The following INSYN2B variants were observed in gnomAD, a reference collection of about 807,000 sequenced individuals.
INSYN2B encodes the protein protein INSYN2B.
Under a neutral mutation model 41.2 loss-of-function variants are expected in INSYN2B, and 16 were observed. The ratio of observed to expected loss-of-function variants is 0.39; its 90% CI spans 0.26 to 0.59. The LOEUF is 0.59. Among genes scored for constraint, INSYN2B ranks in the 20% least tolerant of loss-of-function variants. The pLI, the probability that INSYN2B is intolerant of heterozygous loss-of-function variation, is 0.57. For missense variants in INSYN2B, 608 were observed against 646.4 expected, an observed-to-expected ratio of 0.94 and a Z score of 0.64; for synonymous variants, 245 against 244.4, an observed-to-expected ratio of 1.00 and a Z score of -0.02.
chr5:169,963,868 G>A (rs1448195287), intron 1 of INSYN2B, among the ~76,000 whole-genome samples: 2 of 152,118 alleles, frequency 1.3e-5, no homozygotes, highest in Non-Finnish European at 2.9e-5. Flanking sequence ...CCTACCCCTA[G>A]ATGCTCTAAT....
chr5:169,944,357 T>A (rs1476368951), intron 1 of INSYN2B, among the ~76,000 whole-genome samples: 1 of 152,238 alleles, frequency 6.6e-6, no homozygotes, highest in African/African-American at 2.4e-5. Flanking sequence ...GGCAGAGGCA[T>A]GTTCTACCAA....
At chr5:169,935,012 T>C in intron 1 of INSYN2B, 2 of 258,996 alleles carry the variant, frequency 7.7e-6, no homozygotes, top group South Asian at 4.1e-5. Context: ...ACTGCAGCCA[T>C]CTAAGATTCT....
chr5:169,875,265 C>T (rs1217719544), intron 3 of INSYN2B: 2 of 456,632 alleles, frequency 4.4e-6, no homozygotes, highest in East Asian at 6.9e-5. Flanking sequence ...CTCCACCCCA[C>T]ACTCTCTGAT....
At chr5:169,939,617 G>A (rs1776149922) in intron 1 of INSYN2B, among the ~76,000 whole-genome samples, 1 of 152,062 alleles carries the variant, frequency 6.6e-6, no homozygotes, top group Non-Finnish European at 1.5e-5. Flanking sequence ...GGTGAGTGAT[G>A]CATTGTGTTA....
Position 169,863,046 on chromosome 5 carries a change from G to A in INSYN2B, c.*1227C>T, listed in dbSNP as rs980367208. Reference sequence around the variant, plus strand: ...TCCATCCTACCCCTCATCCACAAGAGTATATAGCAATTACTTAATTATATT... The same window carrying A: ...TCCATCCTACCCCTCATCCACAAGAATATATAGCAATTACTTAATTATATT... On this transcript the variant is annotated 3_prime_UTR_variant, in exon 4 of 4. Coordinates refer to ENST00000377365, the MANE Select transcript of INSYN2B (RefSeq NM_001129891.3). Among the ~76,000 whole-genome samples, 3 of 152,206 alleles carry A rather than the reference G, an allele frequency of 2.0e-5. No homozygotes were observed. Among genetic ancestry groups the A allele is most frequent in the Non-Finnish European group, 4.4e-5 (3 of 68,042 alleles).
chr5:169,897,295 G>A (rs1042092833), intron 1 of INSYN2B, among the ~76,000 whole-genome samples: 5 of 151,758 alleles, frequency 3.3e-5, no homozygotes, highest in African/African-American at 9.7e-5. Context: ...AGCAATTCTC[G>A]TGCCTCAGCC....
At chr5:169,881,543 A>C (rs916738393) in intron 2 of INSYN2B, 101 bp from the exon 3 acceptor site, 1 of 867,084 alleles carries the variant, frequency 1.2e-6, no homozygotes, top group Non-Finnish European at 1.9e-6. Context: ...CACAGCATTC[A>C]CGGTGCTCTG....
chr5:169,923,134 T>G (rs966269536), intron 1 of INSYN2B, among the ~76,000 whole-genome samples: 1 of 152,198 alleles, frequency 6.6e-6, no homozygotes, highest in Non-Finnish European at 1.5e-5. Context: ...AGGCCTATGC[T>G]CCTCACCTCT....
chr5:169,886,293 A>G (rs1364450431), intron 1 of INSYN2B, among the ~76,000 whole-genome samples: 1 of 152,172 alleles, frequency 6.6e-6, no homozygotes, highest in Non-Finnish European at 1.5e-5. Flanking sequence ...TGGCATTGTC[A>G]CATACCTCTC....
In INSYN2B at chr5:169,883,072, G is replaced by C. The variant is rs756719112; in HGVS notation, c.827C>G (p.Pro276Arg). The stretch of plus-strand genomic sequence containing the variant: ...GTTGTCTTTGGGCAAAAGCAATTCA[G>C]GTTTAAGTTCCTCTGTGCCTGGTGT... ...SHTPGTEELK[P>R]ELLLPKDNSD... Residue 276 changes from proline (P) to arginine (R), a missense_variant, in exon 2 of 4, where the codon CCT becomes CGT. Physicochemically the swap from Pro to Arg is moderately radical, Grantham distance 103. Coordinates refer to ENST00000377365, the MANE Select transcript of INSYN2B (RefSeq NM_001129891.3). The C allele has an allele frequency of 9.2e-5, 143 of 1,551,542 alleles. 2 individuals carry two copies. In the South Asian group the frequency reaches 1.7e-3, roughly 18 times the overall value.
intron 1 of INSYN2B, among the ~76,000 whole-genome samples, chr5:169,899,605 G>A (rs190263613): frequency 8.5e-5 from 13 of 152,342 alleles, no homozygotes; most frequent in African/African-American, 3.1e-4. Context: ...GCAGGACTAG[G>A]AAGGCCCTGG....
chr5:169,871,133 A>G (rs1771941193), intron 3 of INSYN2B, among the ~76,000 whole-genome samples: 1 of 152,172 alleles, frequency 6.6e-6, no homozygotes, highest in African/African-American at 2.4e-5. Context: ...ATCACCTTCC[A>G]AAGTTTCTAC....
At chr5:169,884,900 G>A (rs1772877045) in intron 1 of INSYN2B, 84 bp from the exon 2 acceptor site, 3 of 152,176 alleles carry the variant, frequency 2.0e-5, no homozygotes, top group Admixed American at 2.0e-4. Flanking sequence ...CTTCCTAGCT[G>A]AGTATTTTGA....
At chr5:169,874,840 T>C (rs1772220253) in intron 3 of INSYN2B, among the ~76,000 whole-genome samples, 1 of 151,978 alleles carries the variant, frequency 6.6e-6, no homozygotes, top group Admixed American at 6.6e-5. Context: ...AATGTAAGCC[T>C]GGGCCCCAGA....
At position 169,881,423 on chromosome 5, in the gene INSYN2B, C is replaced by T; in HGVS notation, c.1366G>A (p.Gly456Ser). 2 of 1,551,486 alleles carry T rather than the reference C, an allele frequency of 1.3e-6. No individual in the cohort carries two copies. Among genetic ancestry groups the T allele is most frequent in the Non-Finnish European group, 1.7e-6 (2 of 1,146,848 alleles). The change falls in exon 3 of 4, where the codon GGC (glycine) becomes AGC (serine). Residue 456 changes from glycine to serine, a missense_variant. By Grantham distance (56) the Gly-to-Ser change is moderately conservative. Coordinates refer to ENST00000377365, the MANE Select transcript of INSYN2B (RefSeq NM_001129891.3). ...LTEGRNFYRT[G>S]QDLNNCSTCQ... ...GTACTGCAATTGTTGAGATCTTGGC[C>T]AGTTCGATAAAAGTTGCGCCTGCAA...
At chr5:169,960,676 ATTG>A in intron 1 of INSYN2B, among the ~76,000 whole-genome samples, 1 of 152,276 alleles carries the variant, frequency 6.6e-6, no homozygotes, top group Admixed American at 6.5e-5. Flanking sequence ...GGGTCTCTAT[ATTG>A]TTGTCCCCTC....
At chr5:169,865,016 A>T (rs1240710632) in intron 3 of INSYN2B, among the ~76,000 whole-genome samples, 1 of 152,226 alleles carries the variant, frequency 6.6e-6, no homozygotes, top group Non-Finnish European at 1.5e-5. Flanking sequence ...CATCATCATC[A>T]TTAACATAAT....
At chr5:169,865,634 C>T (rs1277930621) in intron 3 of INSYN2B, among the ~76,000 whole-genome samples, 1 of 152,166 alleles carries the variant, frequency 6.6e-6, no homozygotes. Context: ...GTGTTTGTTA[C>T]CTGGTTTCAT....
At chr5:169,976,908 A>G (rs532500151) in intron 1 of INSYN2B, among the ~76,000 whole-genome samples, 1 of 152,346 alleles carries the variant, frequency 6.6e-6, no homozygotes, top group South Asian at 2.1e-4. Flanking sequence ...CTGTGATGCT[A>G]TGCCTTTGAC....
Sources: allele counts gnomAD v4.1 joint callset (sites outside exome capture counted in the v4.1 genomes callset), GRCh38; gene constraint gnomAD v4.1.1; transcripts MANE v1.5; gene names NCBI Gene and HGNC (gene_info 2026-07-23, HGNC 2026-07-21).